SNTG2: variants seen among roughly 807,000 people sequenced by gnomAD.
SNTG2 encodes gamma-2-syntrophin.
A neutral mutation model predicts 70.9 loss-of-function variants in SNTG2; 74 were observed. That is an observed-to-expected ratio of 1.04 (90% CI 0.86 to 1.27). The LOEUF (loss-of-function observed/expected upper bound fraction) is 1.27, where lower values mean the gene tolerates loss of function less well. Among genes scored for constraint, SNTG2 ranks in the 50% most tolerant of loss-of-function variants. SNTG2 has a pLI of 0.00. For synonymous variants in SNTG2, 278 were observed against 273.8 expected (o/e 1.02, Z -0.15); for missense variants, 717 against 690.7 (o/e 1.04, Z -0.43).
chr2:1,207,850 G>A (rs1673743446), intron 8 of SNTG2, among the ~76,000 whole-genome samples: 2 of 152,138 alleles, frequency 1.3e-5, no homozygotes, highest in South Asian at 4.2e-4. Flanking sequence ...GGAGACTTGG[G>A]GTGGATAGGG....
At chr2:1,318,795 A>T (rs1255675081) in intron 16 of SNTG2, among the ~76,000 whole-genome samples, 1 of 148,592 alleles carries the variant, frequency 6.7e-6, no homozygotes, top group Admixed American at 6.6e-5. Flanking sequence ...GAGCACCGTA[A>T]CCTTTTGCTG....
chr2:989,943 C>G (rs943974609), intron 1 of SNTG2, among the ~76,000 whole-genome samples: 3 of 152,226 alleles, frequency 2.0e-5, no homozygotes, highest in Non-Finnish European at 4.4e-5. Flanking sequence ...CAAGGGGACC[C>G]TGCTGCATGG....
intron 1 of SNTG2, among the ~76,000 whole-genome samples, chr2:981,845 G>A (rs1284633050): frequency 6.6e-6 from 1 of 152,046 alleles, no homozygotes; most frequent in Non-Finnish European, 1.5e-5. Flanking sequence ...ATGCATGCAC[G>A]TGAACACACA....
chr2:1,152,575 CATGT>C lies in SNTG2; in HGVS notation c.412-12972_412-12969del, dbSNP rs1337876873. ...GTATGTTTCTAGGTGTGCACATGTG[CATGT>C]GTGTGTGTGCACATGTGCATGTGTG... On this transcript the variant is annotated intron_variant, in intron 6 of 16. Coordinates refer to ENST00000308624, the MANE Select transcript of SNTG2 (RefSeq NM_018968.4). Among the ~76,000 whole-genome samples, 48 of 149,472 alleles carry C rather than the reference CATGT, an allele frequency of 3.2e-4. No homozygotes were observed. In the South Asian group the frequency reaches 4.6e-3, roughly 14 times the overall value.
At chr2:1,357,905 T>C (rs1411619178) in intron 16 of SNTG2, among the ~76,000 whole-genome samples, 1 of 152,148 alleles carries the variant, frequency 6.6e-6, no homozygotes, top group Non-Finnish European at 1.5e-5. Context: ...TTCTTAGTTA[T>C]ATTAGTGAGC....
intron 6 of SNTG2, among the ~76,000 whole-genome samples, chr2:1,154,872 CACAA>C (rs1289090287): frequency 1.3e-5 from 2 of 151,608 alleles, no homozygotes; most frequent in South Asian, 2.1e-4. Context: ...GCACACACCA[CACAA>C]ACACACCACA....
chr2:959,054 A>C (rs965112835), intron 1 of SNTG2, among the ~76,000 whole-genome samples: 25 of 152,242 alleles, frequency 1.6e-4, no homozygotes, highest in African/African-American at 6.0e-4. Context: ...GAAATAGAAC[A>C]AATTGTAATA....
At chr2:1,331,814 G>C (rs1056886725) in intron 16 of SNTG2, among the ~76,000 whole-genome samples, 1 of 152,322 alleles carries the variant, frequency 6.6e-6, no homozygotes, top group South Asian at 2.1e-4. Context: ...TCTCAATGGT[G>C]CTCAAGAGCT....
At chr2:1,309,698 T>G (rs921874509) in intron 15 of SNTG2, among the ~76,000 whole-genome samples, 2 of 152,258 alleles carry the variant, frequency 1.3e-5, no homozygotes, top group African/African-American at 2.4e-5. Flanking sequence ...GCCAGAAAAT[T>G]TAATGGAGTC....
chr2:1,295,295 C>T (rs762320992), intron 14 of SNTG2, among the ~76,000 whole-genome samples: 7 of 152,176 alleles, frequency 4.6e-5, no homozygotes, highest in Non-Finnish European at 1.0e-4. Context: ...GAGGATCCGC[C>T]TCCTGTCTTC....
At chr2:1,193,608 A>AT (rs1672731195) in intron 8 of SNTG2, among the ~76,000 whole-genome samples, 1 of 152,074 alleles carries the variant, frequency 6.6e-6, no homozygotes, top group East Asian at 1.9e-4. Context: ...AAGAAGAAAA[A>AT]AAAACATTTT....
At chr2:1,348,022 T>C (rs1392098609) in intron 16 of SNTG2, among the ~76,000 whole-genome samples, 1 of 152,138 alleles carries the variant, frequency 6.6e-6, no homozygotes, top group Non-Finnish European at 1.5e-5. Context: ...GGAGTGTATA[T>C]TCAGGGCAAT....
chr2:1,350,369 G>A (rs765716814), intron 16 of SNTG2, among the ~76,000 whole-genome samples: 3 of 152,178 alleles, frequency 2.0e-5, no homozygotes, highest in South Asian at 2.1e-4. Context: ...TGGAGGTCTG[G>A]AAGGAGGTTG....
At chr2:1,231,630 C>T (rs1325972040) in intron 9 of SNTG2, among the ~76,000 whole-genome samples, 1 of 152,136 alleles carries the variant, frequency 6.6e-6, no homozygotes, top group Non-Finnish European at 1.5e-5. Context: ...CCTTCACCTC[C>T]CTCCTCTGTT....
At chr2:999,488 T>A (rs903874383) in intron 1 of SNTG2, among the ~76,000 whole-genome samples, 1 of 151,860 alleles carries the variant, frequency 6.6e-6, no homozygotes, top group East Asian at 1.9e-4. Flanking sequence ...CAATGATGAG[T>A]AGTTACACTA....
chr2:1,132,471 G>GA (rs1266267588), intron 4 of SNTG2, among the ~76,000 whole-genome samples: 2 of 152,132 alleles, frequency 1.3e-5, no homozygotes, highest in Admixed American at 6.6e-5. Context: ...TACTTGTAAA[G>GA]AAAAAATTCT....
At chr2:1,157,826 GA>G (rs1195314044) in intron 6 of SNTG2, among the ~76,000 whole-genome samples, 3 of 152,168 alleles carry the variant, frequency 2.0e-5, no homozygotes, top group Non-Finnish European at 4.4e-5. Flanking sequence ...CGGGTGATAT[GA>G]GCCCAGCACC....
intron 16 of SNTG2, among the ~76,000 whole-genome samples, chr2:1,316,591 G>A (rs1681291342): frequency 6.6e-6 from 1 of 152,288 alleles, no homozygotes; most frequent in Admixed American, 6.5e-5. Context: ...GACCAGAAGT[G>A]TTTGGGATTT....
At chr2:1,058,341 T>A (rs72764951) in intron 1 of SNTG2, among the ~76,000 whole-genome samples, 83 of 152,228 alleles carry the variant, frequency 5.5e-4, no homozygotes, top group East Asian at 9.7e-4. Flanking sequence ...GATTTTTTTT[T>A]AAAAAAGCAA....
Sources: allele counts gnomAD v4.1 joint callset (sites outside exome capture counted in the v4.1 genomes callset), GRCh38; gene constraint gnomAD v4.1.1; transcripts MANE v1.5; gene names NCBI Gene and HGNC (gene_info 2026-07-23, HGNC 2026-07-21).